The following IL17D variants were observed in gnomAD, a reference collection of about 807,000 sequenced individuals.
IL17D encodes interleukin-17D.
In IL17D, 10 loss-of-function variants were observed where a neutral mutation model predicts 5.7. That is an observed-to-expected ratio of 1.75 (90% confidence interval 1.08 to 2.97). The LOEUF (loss-of-function observed/expected upper bound fraction) is 2.97, where lower values mean the gene tolerates loss of function less well. Among genes scored for constraint, IL17D ranks in the 30% most tolerant of loss-of-function variants. The pLI is 0.00. For missense variants in IL17D, 354 were observed against 292.7 expected (o/e 1.21, Z -1.53); for synonymous variants, 172 against 141.7 (o/e 1.21, Z -1.52).
chr13:20,722,052 C>A lies in IL17D; in HGVS notation c.*98C>A. 3 of 1,045,698 alleles carry A rather than the reference C, an allele frequency of 2.9e-6. No homozygotes were observed. The highest frequency in any genetic ancestry group is 4.0e-6 in the Non-Finnish European group (3 of 748,928). The allele number at this position is 1,045,698 out of a possible 1,614,324, so 64.8% of individuals were successfully genotyped here. ...CGGTCGGCGACCTCTGAAGAGAGTG[C>A]ACCGAGCAAACCAAGTGCCGGAGCA... On this transcript the variant is annotated 3_prime_UTR_variant, in exon 2 of 2. Coordinates refer to ENST00000682841, the MANE Select transcript of IL17D (RefSeq NM_001385224.1).
In IL17D at chr13:20,716,615, T is replaced by G. The variant is rs1010279102; in HGVS notation, c.291-5021T>G. ...TTACTGGGTGGTGACTAAGTTGGGC[T>G]ACAGTTTTAGGTCCCAGACTCTTAA... On this transcript the variant is annotated intron_variant, in intron 1 of 1. Coordinates refer to ENST00000682841, the MANE Select transcript of IL17D (RefSeq NM_001385224.1). The surrounding 1 kb of genome is among the most constrained non-coding windows in gnomAD (Gnocchi z 4.2). Among the ~76,000 whole-genome samples, 1 of 152,212 alleles carries G rather than the reference T, an allele frequency of 6.6e-6. No homozygotes were observed. Among genetic ancestry groups the G allele is most frequent in the Non-Finnish European group, 1.5e-5 (1 of 68,042 alleles).
chr13:20,714,719 T>C (rs1157619972), intron 1 of IL17D, among the ~76,000 whole-genome samples: 1 of 152,202 alleles, frequency 6.6e-6, no homozygotes, highest in East Asian at 1.9e-4. Context: ...GCAGACCTCA[T>C]TGCTATCCCA....
Position 20,716,463 on chromosome 13 carries a change from A to C in IL17D, c.291-5173A>C, listed in dbSNP as rs1181438251. 6.6e-6 allele frequency among the ~76,000 whole-genome samples: 1 copy of C among 152,204 alleles called. No homozygotes were observed. Among genetic ancestry groups the C allele is most frequent in the Non-Finnish European group, 1.5e-5 (1 of 68,038 alleles). On this transcript the variant is annotated intron_variant, in intron 1 of 1. Coordinates refer to ENST00000682841, the MANE Select transcript of IL17D (RefSeq NM_001385224.1). The surrounding 1 kb of genome is among the most constrained non-coding windows in gnomAD (Gnocchi z 4.2). ...TCAATGTATTGCCAGTGTCTTTTCT[A>C]AGCATAAAACATTGGTGAAAATGTC...
In IL17D at chr13:20,716,525, T is replaced by G. The variant is rs1275070247; in HGVS notation, c.291-5111T>G. On this transcript the variant is annotated intron_variant, in intron 1 of 1. Coordinates refer to ENST00000682841, the MANE Select transcript of IL17D (RefSeq NM_001385224.1). This position sits in a 1 kb window ranked among gnomAD's most constrained non-coding sequence, Gnocchi z 4.2. Reference sequence around the variant, plus strand: ...CCTGCCGTTAGGAAATTGTGGGAAGTGCTCATCAAATCCATCTCCTTCACT... The same window carrying G: ...CCTGCCGTTAGGAAATTGTGGGAAGGGCTCATCAAATCCATCTCCTTCACT... 6.6e-6 allele frequency among the ~76,000 whole-genome samples: 1 copy of G among 152,214 alleles called. No homozygotes were observed. The highest frequency in any genetic ancestry group is 1.5e-5 in the Non-Finnish European group (1 of 68,038).
At position 20,722,714 on chromosome 13, in the gene IL17D, A is replaced by G. The variant is rs975716038; in HGVS notation, c.*760A>G. ...GCCCCAGGGCCAGCTAAGAGTTCCA[A>G]AGATCTCAGATTTGGTTTTAGTCAT... On this transcript the variant is annotated 3_prime_UTR_variant, in exon 2 of 2. Coordinates refer to ENST00000682841, the MANE Select transcript of IL17D (RefSeq NM_001385224.1). 1 of 152,238 alleles carries G rather than the reference A, an allele frequency of 6.6e-6. No individual in the cohort carries two copies. Among genetic ancestry groups the G allele is most frequent in the Non-Finnish European group, 1.5e-5 (1 of 68,042 alleles). 9.4% of individuals were successfully genotyped at this position (152,238 alleles called of 1,614,324 possible). A position where few individuals can be genotyped will look rare whatever the true frequency, so the allele number is the denominator to read the frequency against.
rs925858732 is a variant in IL17D, at chr13:20,720,806, C to T, written c.291-830C>T. Among the ~76,000 whole-genome samples the T allele has an allele frequency of 3.9e-5, 6 of 152,130 alleles. No individual in the cohort carries two copies. In the East Asian group the frequency reaches 1.2e-3, roughly 29 times the overall value. On this transcript the variant is annotated intron_variant, in intron 1 of 1. Coordinates refer to ENST00000682841, the MANE Select transcript of IL17D (RefSeq NM_001385224.1). ...CTGGGTGCAGTCCTGTGTCAGTCAC[C>T]GGCTTCCTCTGATGGCAGCTTGGCC...
In IL17D at chr13:20,722,872, G is replaced by A. The variant is rs995719202; in HGVS notation, c.*918G>A. On this transcript the variant is annotated 3_prime_UTR_variant, in exon 2 of 2. Transcript: ENST00000682841. The stretch of plus-strand genomic sequence containing the variant: ...TTTGCCAGTTGTCAGAAGAATCCAA[G>A]CAGGTATTGGCTTAGTTGTAAGGGC... 6.6e-6 allele frequency: 1 copy of A among 152,176 alleles called. No homozygotes were observed. Among genetic ancestry groups the A allele is most frequent in the Non-Finnish European group, 1.5e-5 (1 of 68,058 alleles). 9.4% of individuals were successfully genotyped at this position (152,176 alleles called of 1,614,324 possible). A position where few individuals can be genotyped will look rare whatever the true frequency, so the allele number is the denominator to read the frequency against.
intron 1 of IL17D, among the ~76,000 whole-genome samples, chr13:20,720,639 C>T (rs2058724103): frequency 6.6e-6 from 1 of 152,244 alleles, no homozygotes; most frequent in Non-Finnish European, 1.5e-5. Flanking sequence ...CTCCTGATCC[C>T]TGCGCTGCCC....
In IL17D at chr13:20,721,637, A is replaced by G; in HGVS notation, c.292A>G (p.Ile98Val). 1 of 1,591,000 alleles carries G rather than the reference A, an allele frequency of 6.3e-7. No individual in the cohort carries two copies. The highest frequency in any genetic ancestry group is 8.6e-7 in the Non-Finnish European group (1 of 1,166,172). ...LRSVSPWAYR[I>V]SYDPARYPRY... ...CTCACCCGTGCTCTCTCCCTGCAGA[A>G]TCTCCTACGACCCGGCGAGGTACCC... Residue 98 changes from isoleucine (I) to valine (V), a missense_variant and splice_region_variant, in exon 2 of 2, where the codon ATC becomes GTC. Physicochemically the swap from Ile to Val is conservative, Grantham distance 29 (BLOSUM62 3). Transcript: ENST00000682841.
chr13:20,711,955 A>C (rs1343120517), intron 1 of IL17D, among the ~76,000 whole-genome samples: 1 of 152,228 alleles, frequency 6.6e-6, no homozygotes, highest in Non-Finnish European at 1.5e-5. Context: ...AAATGTGCCC[A>C]AGTTCAGCTT....
In IL17D at chr13:20,721,786, C is replaced by A; in HGVS notation, c.441C>A (p.Pro147=). The change falls in exon 2 of 2, where the codon CCC becomes CCA. Residue 147 remains proline, a synonymous_variant. Coordinates refer to ENST00000682841, the MANE Select transcript of IL17D (RefSeq NM_001385224.1). The stretch of plus-strand genomic sequence containing the variant: ...CCACCGTCGTCCTGCGCCGCACCCC[C>A]GCCTGCGCCGGCGGCCGTTCCGTCT... ...YMPTVVLRRT[P]ACAGGRSVYT... 1 of 1,609,696 alleles carries A rather than the reference C, an allele frequency of 6.2e-7. No homozygotes were observed. Among genetic ancestry groups the A allele is most frequent in the Non-Finnish European group, 8.5e-7 (1 of 1,179,738 alleles).
In IL17D at chr13:20,704,252, C is replaced by T. The variant is rs1315470122; in HGVS notation, c.251C>T (p.Pro84Leu). Residue 84 changes from proline (P) to leucine (L), a missense_variant, in exon 1 of 2, where the codon CCG becomes CTG. Physicochemically the swap from Pro to Leu is moderately conservative, Grantham distance 98 (BLOSUM62 -3). Transcript: ENST00000682841. ...AGGCCCGCCGACCGCCGCTTCCGGC[C>T]GCCCACCAACCTGCGCAGCGTGTCG... ...GGRPADRRFR[P>L]PTNLRSVSPW... The T allele has an allele frequency of 1.0e-5, 13 of 1,305,164 alleles. No homozygotes were observed. In the African/African-American group the frequency reaches 1.6e-4, roughly 16 times the overall value. 80.8% of individuals were successfully genotyped at this position (1,305,164 alleles called of 1,614,324 possible).
chr13:20,706,831 C>T (rs902981741), intron 1 of IL17D, among the ~76,000 whole-genome samples: 2 of 152,150 alleles, frequency 1.3e-5, no homozygotes, highest in African/African-American at 4.8e-5. Context: ...GTTCGGGGAT[C>T]GTGGTCTGGG....
chr13:20,709,089 C>T (rs1026362609), intron 1 of IL17D, among the ~76,000 whole-genome samples: 10 of 150,870 alleles, frequency 6.6e-5, no homozygotes, highest in East Asian at 3.9e-4. Context: ...CAGAAAGCAA[C>T]GCTAGCATCA....
At chr13:20,706,531 G>A (rs766404314) in intron 1 of IL17D, among the ~76,000 whole-genome samples, 1 of 152,230 alleles carries the variant, frequency 6.6e-6, no homozygotes, top group Non-Finnish European at 1.5e-5. Context: ...GGTTGTTGAT[G>A]GTATTTGAGC....
chr13:20,715,480 A>C (rs2058672217), intron 1 of IL17D, among the ~76,000 whole-genome samples: 2 of 152,210 alleles, frequency 1.3e-5, no homozygotes, highest in South Asian at 4.1e-4. Context: ...AAATCGATAG[A>C]TAGATCCGAG....
intron 1 of IL17D, among the ~76,000 whole-genome samples, chr13:20,711,313 G>A (rs2058635219): frequency 6.6e-6 from 1 of 151,270 alleles, no homozygotes; most frequent in Non-Finnish European, 1.5e-5. Flanking sequence ...TGGCTCTGGA[G>A]GCTGGAAAGC....
upstream of IL17D, chr13:20,701,786 A>G (rs1372095433): frequency 6.6e-6 from 1 of 152,268 alleles, no homozygotes; most frequent in African/African-American, 2.4e-5. Flanking sequence ...ATGACTCTCA[A>G]CTGATTAGTC....
chr13:20,719,344 C>T (rs2058713941), intron 1 of IL17D, among the ~76,000 whole-genome samples: 1 of 150,374 alleles, frequency 6.7e-6, no homozygotes, highest in Non-Finnish European at 1.5e-5. Context: ...CTCACCCACA[C>T]ACACCTGCCC....
Sources: allele counts gnomAD v4.1 joint callset (sites outside exome capture counted in the v4.1 genomes callset), GRCh38; gene constraint gnomAD v4.1.1; non-coding constraint Gnocchi (gnomAD v3.1); transcripts MANE v1.5; gene names NCBI Gene and HGNC (gene_info 2026-07-23, HGNC 2026-07-21).